Variants in EIF2AK4 observed in about 807,000 individuals in gnomAD.
EIF2AK4 encodes the protein eukaryotic translation initiation factor 2 alpha kinase 4.
EIF2AK4 carries 139 observed loss-of-function variants against 211.1 expected under a neutral mutation model. That is an observed-to-expected ratio of 0.66 (90% CI 0.57 to 0.76). EIF2AK4 has a LOEUF of 0.76. Among genes scored for constraint, EIF2AK4 ranks in the 30% least tolerant of loss-of-function variants. EIF2AK4 has a pLI of 0.00. For missense variants in EIF2AK4, 1,664 were observed against 2,043.8 expected, an observed-to-expected ratio of 0.81 and a Z score of 3.58; for synonymous variants, 710 against 751.3, an observed-to-expected ratio of 0.94 and a Z score of 0.90.
At chr15:40,017,512 T>C (rs1367716492) in intron 29 of EIF2AK4, among the ~76,000 whole-genome samples, 2 of 9,570 alleles carry the variant, frequency 2.1e-4, no homozygotes, top group African/African-American at 8.7e-4. Flanking sequence ...TATATATATA[T>C]ATATATATAT....
Position 40,002,770 on chromosome 15 carries a change from C to A in EIF2AK4, c.3217C>A (p.Arg1073Ser). 3.1e-6 allele frequency: 5 copies of A among 1,614,092 alleles called. No homozygotes were observed. The highest frequency in any genetic ancestry group is 4.2e-6 in the Non-Finnish European group (5 of 1,180,018). Residue 1073 changes from arginine to serine, a missense_variant, in exon 22 of 39, where the codon CGC (arginine) becomes AGC (serine). By Grantham distance (110) the Arg-to-Ser change is moderately radical. Coordinates refer to ENST00000263791, the MANE Select transcript of EIF2AK4 (RefSeq NM_001013703.4). ...GCAGCATGTGTGTGAAACCATCATC[C>A]GCATCTTTAAAAGACATGGTATGTA... The part of the protein sequence containing the change: ...MQQHVCETII[R>S]IFKRHGAVQL...
intron 18 of EIF2AK4, among the ~76,000 whole-genome samples, chr15:39,993,472 T>G (rs921865630): frequency 6.6e-6 from 1 of 152,042 alleles, no homozygotes; most frequent in African/African-American, 2.4e-5. Context: ...GCATTTAGGA[T>G]AAAGGATGAG....
intron 3 of EIF2AK4, among the ~76,000 whole-genome samples, chr15:39,945,158 T>C (rs2034210062): frequency 6.6e-6 from 1 of 151,942 alleles, no homozygotes; most frequent in Admixed American, 6.5e-5. Context: ...TTTTTTTTTC[T>C]TTTTGAGAGA....
intron 13 of EIF2AK4, 95 bp downstream of exon 13, chr15:39,978,242 AT>A: frequency 8.9e-6 from 5 of 564,806 alleles, no homozygotes; most frequent in Non-Finnish European, 1.5e-5. Flanking sequence ...CTTTAATCTG[AT>A]ATTCAGATAT....
chr15:40,001,302 T>C (rs940120700), intron 21 of EIF2AK4, 78 bp downstream of exon 21: 3 of 1,408,792 alleles, frequency 2.1e-6, no homozygotes, highest in Non-Finnish European at 2.0e-6. Flanking sequence ...ACAGATTCTT[T>C]TAATGCCTCT....
intron 2 of EIF2AK4, among the ~76,000 whole-genome samples, chr15:39,941,318 C>G (rs2034141573): frequency 6.6e-6 from 1 of 152,128 alleles, no homozygotes; most frequent in Non-Finnish European, 1.5e-5. Flanking sequence ...AGTCCTGATC[C>G]TGAAGCTATC....
At chr15:40,018,604 G>A (rs991666927) in intron 29 of EIF2AK4, among the ~76,000 whole-genome samples, 1 of 152,084 alleles carries the variant, frequency 6.6e-6, no homozygotes, top group African/African-American at 2.4e-5. Context: ...TTGCGGGTGT[G>A]AGCCACCACA....
chr15:40,026,081 G>C lies in EIF2AK4; in HGVS notation c.4494G>C (p.Arg1498Ser). 10 of 1,613,866 alleles carry C rather than the reference G, an allele frequency of 6.2e-6. No individual in the cohort carries two copies. The highest frequency in any genetic ancestry group is 8.5e-6 in the Non-Finnish European group (10 of 1,179,828). ...QKLRTKVTDERNGREASDNLA... is the reference protein window; with the variant it reads ...QKLRTKVTDESNGREASDNLA... Reference sequence around the variant, plus strand: ...TGAGGACTAAAGTCACTGATGAAAGGAATGGCAGGTAACTTAGGAAACAAA... The same window carrying C: ...TGAGGACTAAAGTCACTGATGAAAGCAATGGCAGGTAACTTAGGAAACAAA... Residue 1498 changes from arginine to serine, a missense_variant, in exon 33 of 39, where the codon AGG (arginine) becomes AGC (serine). By Grantham distance (110) the Arg-to-Ser change is moderately radical. Around this residue, in one of 7 missense-constraint regions of EIF2AK4, gnomAD observed 16 missense variants for 47.0 expected, o/e 0.34. Coordinates refer to ENST00000263791, the MANE Select transcript of EIF2AK4 (RefSeq NM_001013703.4).
intron 14 of EIF2AK4, 101 bp from the exon 15 acceptor site, chr15:39,987,882 C>G (rs923275360): frequency 7.3e-7 from 1 of 1,366,342 alleles, no homozygotes; most frequent in Admixed American, 2.0e-5. Context: ...GTTTAAAACC[C>G]ATGGTACACG....
chr15:40,024,739 G>GTTT (rs71132136), intron 32 of EIF2AK4, among the ~76,000 whole-genome samples: 1 of 122,304 alleles, frequency 8.2e-6, no homozygotes, highest in African/African-American at 3.0e-5. Context: ...GCTTTTTTTT[G>GTTT]TTTTTTTTTT....
intron 12 of EIF2AK4, 27 bp downstream of exon 12, chr15:39,976,871 C>T (rs760278859): frequency 2.0e-5 from 29 of 1,442,368 alleles, no homozygotes; most frequent in Non-Finnish European, 1.0e-5. Context: ...GACCAGCTGC[C>T]TCTGATGCGC....
intron 13 of EIF2AK4, among the ~76,000 whole-genome samples, chr15:39,983,745 A>G (rs1414724754): frequency 6.6e-6 from 1 of 152,190 alleles, no homozygotes; most frequent in Non-Finnish European, 1.5e-5. Context: ...CCCGGCCTGG[A>G]TATTAGCCCT....
At chr15:39,997,153 T>C (rs1258388690) in intron 19 of EIF2AK4, 88 bp downstream of exon 19, 3 of 986,726 alleles carry the variant, frequency 3.0e-6, no homozygotes, top group Admixed American at 1.8e-5. Flanking sequence ...ATTTTTCTGG[T>C]ATTTATAATA....
chr15:40,006,925 C>G (rs184161256), intron 23 of EIF2AK4, 91 bp from the exon 24 acceptor site: 1 of 999,922 alleles, frequency 1.0e-6, no homozygotes, highest in African/African-American at 1.6e-5. Context: ...AAGGGGTGAA[C>G]TTTATGGGAC....
At chr15:39,994,538 G>A (rs1235590466) in intron 18 of EIF2AK4, among the ~76,000 whole-genome samples, 1 of 152,220 alleles carries the variant, frequency 6.6e-6, no homozygotes, top group Non-Finnish European at 1.5e-5. Flanking sequence ...GAGGCCAGGA[G>A]ATTGGGGCTG....
intron 2 of EIF2AK4, among the ~76,000 whole-genome samples, chr15:39,942,725 T>C (rs1419304260): frequency 2.0e-5 from 3 of 152,084 alleles, no homozygotes; most frequent in Non-Finnish European, 4.4e-5. Context: ...GTGCAGAGAG[T>C]GTGCATGACT....
At chr15:40,025,928 T>C in intron 32 of EIF2AK4, 49 bp from the exon 33 acceptor site, 1 of 1,571,022 alleles carries the variant, frequency 6.4e-7, no homozygotes, top group Non-Finnish European at 8.7e-7. Flanking sequence ...GAGCTAGTCT[T>C]CTGGGTTCAG....
At chr15:40,003,452 G>A (rs545643126) in intron 23 of EIF2AK4, 138 bp downstream of exon 23, 1 of 1,345,784 alleles carries the variant, frequency 7.4e-7, no homozygotes, top group African/African-American at 1.5e-5. Context: ...GAAGTTGTCA[G>A]AGTGAGAGTG....
At chr15:40,019,021 T>C (rs1251222882) in intron 29 of EIF2AK4, 72 bp from the exon 30 acceptor site, 4 of 1,147,432 alleles carry the variant, frequency 3.5e-6, no homozygotes, top group Non-Finnish European at 5.1e-6. Flanking sequence ...GCTCACTCTT[T>C]AATCATTGTT....
Sources: allele counts gnomAD v4.1 joint callset (sites outside exome capture counted in the v4.1 genomes callset), GRCh38; gene constraint gnomAD v4.1.1; regional missense constraint gnomAD v4.1.1; transcripts MANE v1.5; gene names NCBI Gene and HGNC (gene_info 2026-07-23, HGNC 2026-07-21).